Variants in DYNC1LI2 observed in about 807,000 individuals in gnomAD.
DYNC1LI2 encodes dynein cytoplasmic 1 light intermediate chain 2.
In DYNC1LI2, 19 loss-of-function variants were observed where a neutral mutation model predicts 57.8. The ratio of observed to expected loss-of-function variants is 0.33; its 90% CI spans 0.23 to 0.48. The LOEUF (loss-of-function observed/expected upper bound fraction) is 0.48. Among genes scored for constraint, DYNC1LI2 ranks in the 20% least tolerant of loss-of-function variants. The pLI is 0.99. For missense variants in DYNC1LI2, 470 were observed against 604.2 expected (o/e 0.78, Z 2.33); for synonymous variants, 256 against 233.4 (o/e 1.10, Z -0.88).
At chr16:66,742,690 G>A (rs750963212) in intron 3 of DYNC1LI2, 22 bp from the exon 4 acceptor site, 3 of 1,609,074 alleles carry the variant, frequency 1.9e-6, no homozygotes, top group Non-Finnish European at 2.5e-6. Context: ...AGTGAATGAA[G>A]CTAGTTACCA....
intron 4 of DYNC1LI2, among the ~76,000 whole-genome samples, chr16:66,737,315 ACAACAAGCTTCCACCCTGGC>A (rs1337762065): frequency 6.6e-6 from 1 of 151,698 alleles, no homozygotes; most frequent in African/African-American, 2.4e-5. Context: ...CAAACAAAAA[ACAACAAGCTTCCACCCTGGC>A]CAACATGGTG....
chr16:66,729,123 T>C (rs1433543431), intron 8 of DYNC1LI2, 24 bp from the exon 9 acceptor site: 2 of 1,613,736 alleles, frequency 1.2e-6, no homozygotes, highest in East Asian at 4.5e-5. Flanking sequence ...TACATGTTTG[T>C]GGCCACAGGC....
chr16:66,725,904 G>A lies in DYNC1LI2; in HGVS notation c.1302C>T (p.Asn434=). The change falls in exon 12 of 13, where the codon AAC becomes AAT. Residue 434 remains asparagine (N), a synonymous_variant. Coordinates refer to ENST00000258198, the MANE Select transcript of DYNC1LI2 (RefSeq NM_006141.3). The part of the protein sequence containing the change: ...ASEGVLASFF[N]SLLSKKTGSP... ...AGCCTGTCTTTTTACTCAACAGACT[G>A]TTGAAGAAGCTGGCCAACACCCCTT... 6.2e-7 allele frequency: 1 copy of A among 1,614,102 alleles called. No individual in the cohort carries two copies. Among genetic ancestry groups the A allele is most frequent in the South Asian group, 1.1e-5 (1 of 91,068 alleles).
intron 2 of DYNC1LI2, among the ~76,000 whole-genome samples, chr16:66,750,228 T>G (rs1036655973): frequency 3.9e-5 from 6 of 152,316 alleles, no homozygotes; most frequent in African/African-American, 1.2e-4. Flanking sequence ...CTTGAAGATC[T>G]CTAAGGGTCC....
rs541709189 is a variant in DYNC1LI2, at chr16:66,723,528, G to A, written c.*194C>T. ...GAGTCCAAGGGTTATCCTTAACAAAGGGTCTGACATGTAACCTTCCTAAAT... is the reference window on the plus strand; with the variant it reads ...GAGTCCAAGGGTTATCCTTAACAAAAGGTCTGACATGTAACCTTCCTAAAT... On this transcript the variant is annotated 3_prime_UTR_variant, in exon 13 of 13. Transcript: ENST00000258198. 2.7e-3 allele frequency: 1,771 copies of A among 665,298 alleles called. 20 individuals are homozygous for A. Among genetic ancestry groups the A allele is most frequent in the South Asian group, 0.013 (843 of 66,072 alleles). The allele number at this position is 665,298 out of a possible 1,614,324, so 41.2% of individuals were successfully genotyped here.
At chr16:66,725,192 A>AG (rs2017516444) in intron 12 of DYNC1LI2, among the ~76,000 whole-genome samples, 1 of 144,266 alleles carries the variant, frequency 6.9e-6, no homozygotes, top group Non-Finnish European at 1.5e-5. Context: ...AAAAAAAAAA[A>AG]AGTCAGCCGC....
At position 66,751,399 on chromosome 16, in the gene DYNC1LI2, G is replaced by A. The variant is rs772058575; in HGVS notation, c.108-53C>T. The A allele has an allele frequency of 4.4e-6, 7 of 1,595,976 alleles. No individual in the cohort carries two copies. The highest frequency in any genetic ancestry group is 1.7e-5 in the Admixed American group (1 of 58,428). On this transcript the variant is annotated intron_variant, in intron 1 of 12. Transcript: ENST00000258198. The surrounding 1 kb of genome is among the most constrained non-coding windows in gnomAD (Gnocchi z 5.2). The stretch of plus-strand genomic sequence containing the variant: ...GCCCCGGGCCGGGCTGGGATGGCCC[G>A]GCTCGCGTCGGCCCCTCAGTGTGTC...
chr16:66,728,138 T>A lies in DYNC1LI2; in HGVS notation c.1143+63A>T, dbSNP rs373225036. The stretch of plus-strand genomic sequence containing the variant: ...AAATATACGCTCTCACAAATAATGG[T>A]ATAAAGTTTGATGACACCCACAACA... On this transcript the variant is annotated intron_variant, in intron 10 of 12. Coordinates refer to ENST00000258198, the MANE Select transcript of DYNC1LI2 (RefSeq NM_006141.3). 396 of 1,599,296 alleles carry A rather than the reference T, an allele frequency of 2.5e-4. 1 individual carries two copies. The highest frequency in any genetic ancestry group is 3.3e-4 in the Non-Finnish European group (382 of 1,167,836).
At position 66,742,425 on chromosome 16, in the gene DYNC1LI2, A is replaced by G. The variant is rs770021037; in HGVS notation, c.529+13T>C. 26 of 1,610,368 alleles carry G rather than the reference A, an allele frequency of 1.6e-5. 1 individual carries two copies. The South Asian group carries it at 2.8e-4, about 17-fold the overall frequency. ...CGTGAACTTCCCAATTAAGAAAATT[A>G]TATTTTACTCACACTTCCGTTCCAG... is the stretch of plus-strand genomic sequence containing the variant. On this transcript the variant is annotated intron_variant, in intron 4 of 12. Transcript: ENST00000258198.
At chr16:66,734,990 T>C (rs1173120509) in intron 5 of DYNC1LI2, among the ~76,000 whole-genome samples, 3 of 60,496 alleles carry the variant, frequency 5.0e-5, no homozygotes, top group South Asian at 1.4e-3. Context: ...AGAGTGAAAC[T>C]CCGTCTCAAA....
chr16:66,743,292 G>T (rs1284354794), intron 3 of DYNC1LI2, among the ~76,000 whole-genome samples: 1 of 151,968 alleles, frequency 6.6e-6, no homozygotes, highest in East Asian at 1.9e-4. Context: ...GACCCAGTGC[G>T]GTGGCTCACA....
intron 4 of DYNC1LI2, chr16:66,738,901 AC>A (rs2017788496): frequency 6.8e-6 from 1 of 146,332 alleles, no homozygotes; most frequent in Non-Finnish European, 1.5e-5. Flanking sequence ...ACACACACAC[AC>A]ACACACACAC....
In DYNC1LI2 at chr16:66,740,531, G is replaced by C. The variant is rs370393106; in HGVS notation, c.529+1907C>G. Among the ~76,000 whole-genome samples, 49 of 152,328 alleles carry C rather than the reference G, an allele frequency of 3.2e-4. 1 individual carries two copies. In the East Asian group the frequency reaches 6.2e-3, roughly 19 times the overall value. ...GGCCAATGGAAAACCAACCAGAGTC[G>C]TGGGACATGGTTCCAGCAATTGCTA... On this transcript the variant is annotated intron_variant, in intron 4 of 12. Transcript: ENST00000258198.
intron 4 of DYNC1LI2, among the ~76,000 whole-genome samples, chr16:66,740,101 A>G (rs1389088262): frequency 6.6e-6 from 1 of 152,180 alleles, no homozygotes; most frequent in Admixed American, 6.6e-5. Flanking sequence ...ATAAAACAAG[A>G]AAGAGAAGAC....
intron 7 of DYNC1LI2, 37 bp from the exon 8 acceptor site, chr16:66,730,260 T>C: frequency 6.3e-7 from 1 of 1,580,188 alleles, no homozygotes. Context: ...TTGCTTTTCC[T>C]GGGGCTGCCT....
chr16:66,737,111 A>AGATGC (rs1300438851), intron 4 of DYNC1LI2, among the ~76,000 whole-genome samples: 6 of 152,116 alleles, frequency 3.9e-5, no homozygotes, highest in African/African-American at 1.4e-4. Context: ...CATCTGTACT[A>AGATGC]AAAATGCAAA....
intron 7 of DYNC1LI2, chr16:66,731,845 A>G (rs1037124864): frequency 2.6e-5 from 4 of 152,768 alleles, no homozygotes; most frequent in African/African-American, 9.6e-5. Flanking sequence ...GCTTAGGAAA[A>G]CAGGTATCCA....
intron 3 of DYNC1LI2, among the ~76,000 whole-genome samples, chr16:66,747,587 T>TA (rs1219293680): frequency 1.3e-5 from 2 of 151,462 alleles, no homozygotes; most frequent in African/African-American, 4.9e-5. Context: ...TTTTTTTTTT[T>TA]AAGAAGGAGT....
chr16:66,750,530 C>G (rs2018024798), intron 2 of DYNC1LI2, among the ~76,000 whole-genome samples: 1 of 152,164 alleles, frequency 6.6e-6, no homozygotes, highest in Non-Finnish European at 1.5e-5. Context: ...ACTCAACCCC[C>G]GAATCATCCT....
Sources: allele counts gnomAD v4.1 joint callset (sites outside exome capture counted in the v4.1 genomes callset), GRCh38; gene constraint gnomAD v4.1.1; non-coding constraint Gnocchi (gnomAD v3.1); transcripts MANE v1.5; gene names NCBI Gene and HGNC (gene_info 2026-07-23, HGNC 2026-07-21).